Variants in NRG1 observed in about 807,000 individuals in gnomAD.
NRG1 encodes neuregulin 1.
NRG1 carries 18 observed loss-of-function variants against 63.8 expected under a neutral mutation model. The observed-to-expected ratio is 0.28, with a 90% CI of 0.19 to 0.42. The LOEUF is 0.42. NRG1 is among the 10% of genes least tolerant of loss of function. The pLI, the probability that NRG1 is intolerant of heterozygous loss-of-function variation, is 1.00. For missense variants in NRG1, 762 were observed against 814.7 expected (o/e 0.94, Z 0.79); for synonymous variants, 302 against 301.3 (o/e 1.00, Z -0.02).
chr8:32,755,434 ATT>A lies in NRG1; in HGVS notation c.794+963_794+964del, dbSNP rs558065986. ...CCACAAAATCCAAAGCATGGATTGT[ATT>A]TTGTCAATATCCCATGATTTAGTGT... On this transcript the variant is annotated intron_variant, in intron 8 of 11. Transcript: ENST00000356819. Among the ~76,000 whole-genome samples, 184 of 152,296 alleles carry A rather than the reference ATT, an allele frequency of 1.2e-3. 1 individual carries two copies. The highest frequency in any genetic ancestry group is 4.3e-3 in the African/African-American group (179 of 41,578).
At chr8:32,626,637 G>A (rs1284123608) in intron 5 of NRG1, among the ~76,000 whole-genome samples, 8 of 151,192 alleles carry the variant, frequency 5.3e-5, no homozygotes, top group Non-Finnish European at 1.0e-4. Context: ...CCAAAATCGC[G>A]CCACTGCCCT....
intron 1 of NRG1, among the ~76,000 whole-genome samples, chr8:32,259,534 T>G (rs1315244224): frequency 6.6e-6 from 1 of 152,170 alleles, no homozygotes; most frequent in East Asian, 1.9e-4. Context: ...ATAACTTCTC[T>G]TCTTTATAAA....
At position 31,832,445 on chromosome 8, in the gene NRG1, G is replaced by A. The variant is rs114280015; in HGVS notation, c.37+193014G>A. On this transcript the variant is annotated intron_variant, in intron 1 of 10. Transcript: ENST00000519301. The stretch of plus-strand genomic sequence containing the variant: ...CAGTAAATTTTTCATAATTTGTAGA[G>A]ACAGAGTTTCGCCATGTTGTCCAGG... Among the ~76,000 whole-genome samples, 723 of 152,074 alleles carry A rather than the reference G, an allele frequency of 4.8e-3. 8 individuals carry two copies. The highest frequency in any genetic ancestry group is 0.016 in the African/African-American group (680 of 41,470).
At chr8:32,363,709 GT>G (rs938677943) in intron 1 of NRG1, among the ~76,000 whole-genome samples, 1 of 151,452 alleles carries the variant, frequency 6.6e-6, no homozygotes, top group Admixed American at 6.6e-5. Flanking sequence ...AGTTATCTCT[GT>G]TTTTTTTAAT....
chr8:32,056,446 A>C (rs1031701363), intron 1 of NRG1, among the ~76,000 whole-genome samples: 2 of 152,162 alleles, frequency 1.3e-5, no homozygotes, highest in Admixed American at 6.6e-5. Context: ...ACCTCTCTCC[A>C]AAAATGTGTA....
At chr8:32,001,846 G>C (rs1480167454) in intron 1 of NRG1, among the ~76,000 whole-genome samples, 1 of 151,990 alleles carries the variant, frequency 6.6e-6, no homozygotes, top group African/African-American at 2.4e-5. Flanking sequence ...TTATACCATT[G>C]ATGTTGACCT....
intron 1 of NRG1, among the ~76,000 whole-genome samples, chr8:31,851,589 C>A (rs1023434193): frequency 4.6e-5 from 7 of 151,916 alleles, no homozygotes; most frequent in African/African-American, 1.7e-4. Context: ...TATGGGAATA[C>A]ATTCTTATTT....
chr8:32,049,299 T>C (rs534417070), intron 1 of NRG1, among the ~76,000 whole-genome samples: 25 of 152,248 alleles, frequency 1.6e-4, no homozygotes, highest in African/African-American at 6.0e-4. Context: ...TATGAAAAAT[T>C]TGTGACGTAT....
intron 5 of NRG1, among the ~76,000 whole-genome samples, chr8:32,629,374 A>C (rs12056925): frequency 0.067 from 10,252 of 152,142 alleles, 1,092 homozygotes; most frequent in East Asian, 0.52. Flanking sequence ...TAGAGGGAAG[A>C]ATTTTGGTTG....
At chr8:31,845,313 AAAG>A (rs756177141) in intron 1 of NRG1, among the ~76,000 whole-genome samples, 36 of 152,126 alleles carry the variant, frequency 2.4e-4, no homozygotes, top group Non-Finnish European at 4.4e-4. Flanking sequence ...ATCCTCCTAA[AAAG>A]AAGTTCTTTT....
intron 5 of NRG1, among the ~76,000 whole-genome samples, chr8:32,691,157 C>T (rs1413776987): frequency 1.3e-5 from 2 of 151,920 alleles, no homozygotes; most frequent in Admixed American, 1.3e-4. Flanking sequence ...GTCAGGAGTT[C>T]GAGACCAGCC....
chr8:32,665,390 CT>C (rs1429025058), intron 5 of NRG1, among the ~76,000 whole-genome samples: 1 of 151,940 alleles, frequency 6.6e-6, no homozygotes, highest in Non-Finnish European at 1.5e-5. Context: ...TAATTTTTTC[CT>C]GTTTATTCAT....
Position 31,767,610 on chromosome 8 carries a change from C to G in NRG1, c.37+128179C>G, listed in dbSNP as rs552480309. ...ATCCCAGTACTTTGGGAGGCTGAGG[C>G]AGGTGGATCACTTGAGGTCAGGAGT... is the stretch of plus-strand genomic sequence containing the variant. On this transcript the variant is annotated intron_variant, in intron 1 of 10. Coordinates refer to the NRG1 transcript ENST00000519301. Among the ~76,000 whole-genome samples the G allele has an allele frequency of 2.8e-4, 43 of 152,130 alleles. No individual in the cohort carries two copies. In the South Asian group the frequency reaches 8.9e-3, roughly 32 times the overall value.
intron 1 of NRG1, among the ~76,000 whole-genome samples, chr8:32,196,475 G>A (rs1842961697): frequency 6.6e-6 from 1 of 152,108 alleles, no homozygotes; most frequent in African/African-American, 2.4e-5. Flanking sequence ...GATGGCAAAT[G>A]GAAAAGATGA....
At chr8:32,291,325 G>A (rs974233103) in intron 1 of NRG1, among the ~76,000 whole-genome samples, 3 of 152,070 alleles carry the variant, frequency 2.0e-5, no homozygotes, top group African/African-American at 7.2e-5. Flanking sequence ...TAGCCATCAC[G>A]ATATTTTCCT....
rs542152121 is a variant in NRG1 at position 31,682,580 on chromosome 8, C to T, written c.37+43149C>T. On this transcript the variant is annotated intron_variant, in intron 1 of 10. Transcript: ENST00000519301. ...AGCACTGGGGAAACTGGGTGGAGGG[C>T]ACATGAAGCTTCTCCATACTATTTC... is the stretch of plus-strand genomic sequence containing the variant. 3.9e-5 allele frequency among the ~76,000 whole-genome samples: 6 copies of T among 152,122 alleles called. No homozygotes were observed. In the East Asian group the frequency reaches 1.2e-3, roughly 29 times the overall value.
intron 1 of NRG1, among the ~76,000 whole-genome samples, chr8:32,420,300 A>T (rs1390870069): frequency 6.6e-6 from 1 of 152,032 alleles, no homozygotes; most frequent in Non-Finnish European, 1.5e-5. Context: ...GACCACATTT[A>T]TTTTGATGTT....
chr8:32,062,460 A>G (rs1205785385), intron 1 of NRG1, among the ~76,000 whole-genome samples: 2 of 152,064 alleles, frequency 1.3e-5, no homozygotes, highest in Non-Finnish European at 2.9e-5. Flanking sequence ...GATATGCTGG[A>G]GATTCTGCTG....
chr8:32,621,487 A>G (rs1848321248), intron 5 of NRG1, among the ~76,000 whole-genome samples: 1 of 152,232 alleles, frequency 6.6e-6, no homozygotes, highest in African/African-American at 2.4e-5. Context: ...AGCTGCTGGT[A>G]GCCCCATTTT....
Sources: allele counts gnomAD v4.1 joint callset (sites outside exome capture counted in the v4.1 genomes callset), GRCh38; gene constraint gnomAD v4.1.1; transcripts MANE v1.5; gene names NCBI Gene and HGNC (gene_info 2026-07-23, HGNC 2026-07-21).